Variants in FBXL13 observed in about 807,000 individuals in gnomAD.
FBXL13 encodes F-box and leucine-rich repeat protein 13.
FBXL13 carries 67 observed loss-of-function variants against 83.6 expected under a neutral mutation model. The observed-to-expected ratio is 0.80, with a 90% CI of 0.66 to 0.98. The LOEUF (loss-of-function observed/expected upper bound fraction) is 0.98, where lower values mean the gene tolerates loss of function less well. Among genes scored for constraint, FBXL13 ranks in the 50% least tolerant of loss-of-function variants. The probability of loss-of-function intolerance (pLI) is 0.00; values close to 1 mark genes in which losing one functional copy is unlikely to be tolerated. For synonymous variants in FBXL13, 272 were observed against 299.5 expected, an observed-to-expected ratio of 0.91 and a Z score of 0.95; for missense variants, 822 against 866.5, an observed-to-expected ratio of 0.95 and a Z score of 0.64.
At chr7:102,991,649 A>T (rs1829569472) in intron 6 of FBXL13, among the ~76,000 whole-genome samples, 1 of 152,216 alleles carries the variant, frequency 6.6e-6, no homozygotes, top group Non-Finnish European at 1.5e-5. Context: ...CTTGTAGTGC[A>T]ATAAAAGGAG....
chr7:103,065,177 A>G (rs953314080), intron 1 of FBXL13, among the ~76,000 whole-genome samples: 1 of 152,198 alleles, frequency 6.6e-6, no homozygotes, highest in Non-Finnish European at 1.5e-5. Flanking sequence ...TTCTGAAAAA[A>G]AAAGCCTAGC....
At chr7:102,970,182 C>G (rs905775961) in intron 6 of FBXL13, among the ~76,000 whole-genome samples, 13 of 151,314 alleles carry the variant, frequency 8.6e-5, no homozygotes, top group Admixed American at 7.9e-4. Context: ...GCCTGGGAGG[C>G]TGCGGCTGCA....
At chr7:102,903,675 C>T (rs1485290481) in intron 11 of FBXL13, among the ~76,000 whole-genome samples, 1 of 151,472 alleles carries the variant, frequency 6.6e-6, no homozygotes, top group Non-Finnish European at 1.5e-5. Context: ...CATAATGCTA[C>T]GTTGAGATGT....
At chr7:102,884,290 T>C in exon 12 of FBXL13, 1 of 1,613,666 alleles carries the variant, frequency 6.2e-7, no homozygotes, top group Non-Finnish European at 8.5e-7. Context: ...GTTTGCAATG[T>C]ACCTGAAGCC....
chr7:103,050,628 A>G lies in FBXL13; in HGVS notation c.-1+5016T>C, dbSNP rs192198700. On this transcript the variant is annotated intron_variant, in intron 2 of 19. Transcript: ENST00000313221. The stretch of plus-strand genomic sequence containing the variant: ...GATAGGAAAGGAAAGGTAGAGAAAG[A>G]AAAGTATTGCCTGTGGCAAGGTGGG... Among the ~76,000 whole-genome samples the G allele has an allele frequency of 2.9e-3, 444 of 152,348 alleles. 1 individual carries two copies. Among genetic ancestry groups the G allele is most frequent in the Middle Eastern group, 0.01 (3 of 294 alleles).
At chr7:102,982,245 T>C (rs1008147138) in intron 6 of FBXL13, among the ~76,000 whole-genome samples, 1 of 152,114 alleles carries the variant, frequency 6.6e-6, no homozygotes, top group African/African-American at 2.4e-5. Flanking sequence ...ACATTCCTCC[T>C]TTTTGAACCA....
In FBXL13 at chr7:102,854,769, G is replaced by A. The variant is rs369138226; in HGVS notation, c.1719+8C>T. 13 of 1,514,644 alleles carry A rather than the reference G, an allele frequency of 8.6e-6. No homozygotes were observed. Among genetic ancestry groups the A allele is most frequent in the Non-Finnish European group, 9.9e-6 (11 of 1,113,174 alleles). 93.8% of individuals were successfully genotyped at this position (1,514,644 alleles called of 1,614,324 possible). ...TAATTCTTTAACAGATGATCTTAAT[G>A]ATCTTACCTGAATTCCATCATCAGT... On this transcript the variant is annotated splice_region_variant and intron_variant, in intron 17 of 19. Coordinates refer to ENST00000313221, the Ensembl canonical transcript of FBXL13.
intron 11 of FBXL13, among the ~76,000 whole-genome samples, chr7:102,888,865 G>A (rs1754027376): frequency 6.6e-6 from 1 of 152,118 alleles, no homozygotes; most frequent in African/African-American, 2.4e-5. Flanking sequence ...AGTTAGCTGG[G>A]CTGGTTTTGA....
chr7:103,022,626 G>C (rs1221158137), intron 6 of FBXL13, among the ~76,000 whole-genome samples: 1 of 152,150 alleles, frequency 6.6e-6, no homozygotes. Context: ...GCCACACGCG[G>C]AATATTGAAA....
chr7:102,871,214 G>A (rs138056735), intron 16 of FBXL13, among the ~76,000 whole-genome samples: 65 of 152,102 alleles, frequency 4.3e-4, no homozygotes, highest in African/African-American at 1.5e-3. Context: ...CCCATCTGCA[G>A]GTCCGGTAAT....
At chr7:103,055,235 T>G in intron 2 of FBXL13, 57 bp from the exon 3 acceptor site, 1 of 933,016 alleles carries the variant, frequency 1.1e-6, no homozygotes, top group Non-Finnish European at 1.5e-6. Flanking sequence ...GTTAGTTCCG[T>G]AATTAAATCA....
chr7:103,028,968 A>G (rs1044246985), intron 3 of FBXL13, among the ~76,000 whole-genome samples: 22 of 152,156 alleles, frequency 1.4e-4, no homozygotes, highest in Non-Finnish European at 2.1e-4. Flanking sequence ...GATAAAATAA[A>G]GAAATCATGG....
intron 1 of FBXL13, among the ~76,000 whole-genome samples, chr7:103,067,685 G>C (rs1460742807): frequency 6.6e-6 from 1 of 152,198 alleles, no homozygotes; most frequent in Non-Finnish European, 1.5e-5. Context: ...AGGTAAGGAA[G>C]CCTTCAAGAT....
intron 16 of FBXL13, among the ~76,000 whole-genome samples, chr7:102,873,427 C>T (rs1306672658): frequency 6.6e-6 from 1 of 152,170 alleles, no homozygotes; most frequent in African/African-American, 2.4e-5. Flanking sequence ...TGAGCTCTAT[C>T]TCATTGTTTC....
downstream of FBXL13, among the ~76,000 whole-genome samples, chr7:102,811,501 A>G (rs1052459412): frequency 5.9e-5 from 9 of 152,144 alleles, no homozygotes; most frequent in Admixed American, 5.9e-4. Flanking sequence ...GAATGAATGA[A>G]TGTGTCTTCT....
intron 10 of FBXL13, among the ~76,000 whole-genome samples, chr7:102,920,724 T>C (rs1029133144): frequency 6.6e-6 from 1 of 152,264 alleles, no homozygotes. Context: ...AATTTAAAAA[T>C]AGAAGTTAGC....
At chr7:102,835,668 GGC>G in intron 17 of FBXL13, among the ~76,000 whole-genome samples, 1 of 108,480 alleles carries the variant, frequency 9.2e-6, no homozygotes, top group Non-Finnish European at 1.6e-5. Flanking sequence ...GGAGTGCAGT[GGC>G]GCAATCTCGG....
intron 17 of FBXL13, among the ~76,000 whole-genome samples, chr7:102,834,379 A>ATT (rs902642684): frequency 2.8e-5 from 4 of 144,042 alleles, no homozygotes; most frequent in African/African-American, 1.1e-4. Flanking sequence ...TTATATATAA[A>ATT]TTATATATAT....
At chr7:102,933,658 C>T (rs370127068) in intron 8 of FBXL13, 6 of 260,646 alleles carry the variant, frequency 2.3e-5, no homozygotes, top group African/African-American at 8.9e-5. Context: ...GAGCTTTCTA[C>T]GTCACTGTTC....
Sources: allele counts gnomAD v4.1 joint callset (sites outside exome capture counted in the v4.1 genomes callset), GRCh38; gene constraint gnomAD v4.1.1; transcripts MANE v1.5; gene names NCBI Gene and HGNC (gene_info 2026-07-23, HGNC 2026-07-21).